Variants in SP4 observed in about 807,000 individuals in gnomAD.
The protein encoded by SP4 is transcription factor Sp4.
A neutral mutation model predicts 72.8 loss-of-function variants in SP4; 19 were observed. The ratio of observed to expected loss-of-function variants is 0.26; its 90% confidence interval spans 0.18 to 0.38. The LOEUF (loss-of-function observed/expected upper bound fraction) is 0.38. Among genes scored for constraint, SP4 ranks in the 10% least tolerant of loss-of-function variants. SP4 has a pLI of 1.00. For missense variants in SP4, 1,008 were observed against 926.3 expected (o/e 1.09, Z -1.14); for synonymous variants, 395 against 333.1 (o/e 1.19, Z -2.02).
intron 5 of SP4, among the ~76,000 whole-genome samples, chr7:21,500,804 A>G (rs1475602168): frequency 1.3e-5 from 2 of 152,208 alleles, no homozygotes; most frequent in African/African-American, 4.8e-5. Context: ...CTACTGGATA[A>G]TTCAGAATAA....
intron 3 of SP4, among the ~76,000 whole-genome samples, chr7:21,446,844 A>G (rs1783442099): frequency 6.7e-6 from 1 of 149,102 alleles, no homozygotes; most frequent in Non-Finnish European, 1.5e-5. Context: ...TTCTTTCCCC[A>G]AGCCTGGGTT....
In SP4 at chr7:21,430,102, A is replaced by T; in HGVS notation, c.937A>T (p.Thr313Ser). The T allele has an allele frequency of 6.2e-7, 1 of 1,614,094 alleles. No individual in the cohort carries two copies. The highest frequency in any genetic ancestry group is 8.5e-7 in the Non-Finnish European group (1 of 1,179,940). Residue 313 changes from threonine (T) to serine (S), a missense_variant, in exon 3 of 6, where the codon ACT becomes TCT. By Grantham distance (58) the Thr-to-Ser change is moderately conservative. Transcript: ENST00000222584. The part of the protein sequence containing the change: ...TPTNTTTSAS[T>S]MPESPSSSTT... ...CACCAACACCACTACTTCTGCCAGTACTATGCCAGAATCTCCCTCCTCCTC... is the reference window on the plus strand; with the variant it reads ...CACCAACACCACTACTTCTGCCAGTTCTATGCCAGAATCTCCCTCCTCCTC...
chr7:21,437,317 A>G (rs562542466), intron 3 of SP4, among the ~76,000 whole-genome samples: 3 of 152,284 alleles, frequency 2.0e-5, no homozygotes, highest in African/African-American at 7.2e-5. Flanking sequence ...TTTCTTTAGG[A>G]TTTCCAGATG....
intron 3 of SP4, among the ~76,000 whole-genome samples, chr7:21,465,859 T>C (rs1422359703): frequency 6.6e-6 from 1 of 151,886 alleles, no homozygotes; most frequent in Non-Finnish European, 1.5e-5. Flanking sequence ...CAAGACCCTG[T>C]CTCTTAAAAA....
intron 3 of SP4, among the ~76,000 whole-genome samples, chr7:21,433,977 G>T (rs1782962527): frequency 6.6e-6 from 1 of 151,996 alleles, no homozygotes; most frequent in Non-Finnish European, 1.5e-5. Context: ...GACACAAAGA[G>T]TGAGACACCA....
At chr7:21,489,149 A>T (rs770624343) in intron 5 of SP4, among the ~76,000 whole-genome samples, 4 of 152,236 alleles carry the variant, frequency 2.6e-5, no homozygotes, top group Non-Finnish European at 1.5e-5. Context: ...ACAATTTTAT[A>T]TAAAGTTAAA....
At chr7:21,443,901 T>A (rs1583387035) in intron 3 of SP4, among the ~76,000 whole-genome samples, 1 of 152,368 alleles carries the variant, frequency 6.6e-6, no homozygotes, top group East Asian at 1.9e-4. Context: ...TTGACAGATG[T>A]CATAAATACT....
rs1354800563 is a variant in SP4 at position 21,429,969 on chromosome 7, G to T, written c.804G>T (p.Leu268Phe). ...PINIGGVTLA[L>F]PVINNVAAGG... ...ACATTGGAGGAGTGACTCTAGCTTT[G>T]CCAGTGATAAACAACGTGGCTGCCG... The change falls in exon 3 of 6, where the codon TTG (leucine) becomes TTT (phenylalanine). Residue 268 changes from leucine to phenylalanine, a missense_variant. Leu to Phe is a conservative substitution (Grantham distance 22, BLOSUM62 0). This residue lies in a region of SP4 where 893 missense variants were observed against 743.3 expected (regional missense o/e 1.20). Transcript: ENST00000222584. The T allele has an allele frequency of 1.9e-6, 3 of 1,614,134 alleles. No homozygotes were observed. Among genetic ancestry groups the T allele is most frequent in the Non-Finnish European group, 2.5e-6 (3 of 1,180,030 alleles).
intron 1 of SP4, among the ~76,000 whole-genome samples, 190 bp downstream of exon 1, chr7:21,428,448 CCTT>C (rs1308476054): frequency 6.6e-6 from 1 of 152,024 alleles, no homozygotes; most frequent in African/African-American, 2.4e-5. Flanking sequence ...AGAACAACCT[CCTT>C]CTGGGTGTTG....
At chr7:21,439,460 C>T (rs1015028213) in intron 3 of SP4, among the ~76,000 whole-genome samples, 1 of 151,626 alleles carries the variant, frequency 6.6e-6, no homozygotes, top group Non-Finnish European at 1.5e-5. Flanking sequence ...ACACTGTACC[C>T]ATTAAGTAAT....
chr7:21,501,836 G>A (rs1001406075), intron 5 of SP4, among the ~76,000 whole-genome samples: 17 of 152,092 alleles, frequency 1.1e-4, no homozygotes, highest in Non-Finnish European at 1.0e-4. Flanking sequence ...CATGTCTAGC[G>A]CAAGCCTGTT....
chr7:21,492,337 A>T (rs1187615192), intron 5 of SP4, among the ~76,000 whole-genome samples: 1 of 152,240 alleles, frequency 6.6e-6, no homozygotes, highest in African/African-American at 2.4e-5. Context: ...TGTAAATTAA[A>T]TGAGAATACT....
chr7:21,476,491 G>A (rs1410010217), intron 3 of SP4, among the ~76,000 whole-genome samples: 1 of 152,082 alleles, frequency 6.6e-6, no homozygotes, highest in African/African-American at 2.4e-5. Context: ...TATGATTACA[G>A]TGACAGTATG....
chr7:21,482,384 A>G (rs749646356), intron 5 of SP4, among the ~76,000 whole-genome samples: 2 of 152,202 alleles, frequency 1.3e-5, no homozygotes, highest in Non-Finnish European at 2.9e-5. Context: ...TAATCTTAGC[A>G]TGTTGAAATC....
intron 3 of SP4, among the ~76,000 whole-genome samples, chr7:21,467,433 T>G (rs1367003894): frequency 6.6e-6 from 1 of 152,156 alleles, no homozygotes; most frequent in Non-Finnish European, 1.5e-5. Flanking sequence ...TTGATAGAGT[T>G]TTGCAGCTAT....
At chr7:21,503,578 T>C (rs927053064) in intron 5 of SP4, among the ~76,000 whole-genome samples, 8 of 152,242 alleles carry the variant, frequency 5.3e-5, no homozygotes, top group African/African-American at 1.4e-4. Flanking sequence ...TCTGAATTAA[T>C]ATTTTCCATC....
At chr7:21,484,673 A>G (rs1784767513) in intron 5 of SP4, among the ~76,000 whole-genome samples, 1 of 151,906 alleles carries the variant, frequency 6.6e-6, no homozygotes, top group Non-Finnish European at 1.5e-5. Flanking sequence ...TCTGCATGAA[A>G]GGATGCAGTG....
At chr7:21,487,762 A>ATGGTGGTGG (rs745424097) in intron 5 of SP4, among the ~76,000 whole-genome samples, 19 of 71,260 alleles carry the variant, frequency 2.7e-4, no homozygotes, top group African/African-American at 5.3e-4. Flanking sequence ...GATGATGATG[A>ATGGTGGTGG]TGGTGGTGGT....
intron 5 of SP4, among the ~76,000 whole-genome samples, chr7:21,497,169 C>G (rs1447038725): frequency 2.0e-5 from 3 of 152,202 alleles, no homozygotes; most frequent in African/African-American, 7.2e-5. Context: ...GAAGGCATTT[C>G]TCATGGGGCT....
Sources: allele counts gnomAD v4.1 joint callset (sites outside exome capture counted in the v4.1 genomes callset), GRCh38; gene constraint gnomAD v4.1.1; regional missense constraint gnomAD v4.1.1; transcripts MANE v1.5; gene names NCBI Gene and HGNC (gene_info 2026-07-23, HGNC 2026-07-21).